OSBPL10: variants seen among roughly 807,000 people sequenced by gnomAD.
The protein encoded by OSBPL10 is oxysterol binding protein like 10, also known as oxysterol-binding protein-related protein 10.
OSBPL10 carries 49 observed loss-of-function variants against 81.7 expected under a neutral mutation model. That is an observed-to-expected ratio of 0.60 (90% CI 0.48 to 0.76). The LOEUF is 0.76. Among genes scored for constraint, OSBPL10 ranks in the 30% least tolerant of loss-of-function variants. The probability of loss-of-function intolerance (pLI) is 0.00; values close to 1 mark genes in which losing one functional copy is unlikely to be tolerated. For synonymous variants in OSBPL10, 419 were observed against 383.6 expected, an observed-to-expected ratio of 1.09 and a Z score of -1.08; for missense variants, 923 against 987.8, an observed-to-expected ratio of 0.93 and a Z score of 0.88.
chr3:31,825,147 T>C lies in OSBPL10; in HGVS notation c.729+4893A>G, dbSNP rs77122354. ...AATCAAAAAGGTTTGGGGATTTTTT[T>C]GTTTGCTTTAAGAGCAGAAAGGTGA... is the stretch of plus-strand genomic sequence containing the variant. On this transcript the variant is annotated intron_variant, in intron 4 of 11. Coordinates refer to ENST00000396556, the MANE Select transcript of OSBPL10 (RefSeq NM_017784.5). Among the ~76,000 whole-genome samples the C allele has an allele frequency of 8.2e-3, 1,241 of 152,218 alleles. 26 individuals are homozygous for C. Among genetic ancestry groups the C allele is most frequent in the African/African-American group, 0.027 (1,130 of 41,526 alleles).
intron 4 of OSBPL10, among the ~76,000 whole-genome samples, chr3:31,821,473 C>T (rs1429870565): frequency 6.6e-6 from 1 of 152,164 alleles, no homozygotes; most frequent in East Asian, 1.9e-4. Context: ...TCTCATAAAA[C>T]ACCAACTTCA....
At position 31,769,445 on chromosome 3, in the gene OSBPL10, CAA is replaced by C. The variant is rs1213069221; in HGVS notation, c.730-21327_730-21326del. 6.5e-4 allele frequency among the ~76,000 whole-genome samples: 7 copies of C among 10,832 alleles called. No homozygotes were observed. In the East Asian group the frequency reaches 0.042, roughly 64 times the overall value. The allele number at this position is 10,832 out of a possible 152,430, so 7.1% of individuals were successfully genotyped here. ...GGGCAACAAGAGCAAAACTCCATCT[CAA>C]AAAAAAAAAAACAAAAAAAAAACAA... On this transcript the variant is annotated intron_variant, in intron 4 of 11. Transcript: ENST00000396556.
At chr3:31,892,197 TG>T (rs1695911527) in intron 1 of OSBPL10, among the ~76,000 whole-genome samples, 1 of 151,590 alleles carries the variant, frequency 6.6e-6, no homozygotes, top group South Asian at 2.1e-4. Context: ...AAGGAGCACG[TG>T]TATGGCCCTG....
Position 31,930,781 on chromosome 3 carries a change from G to A in OSBPL10, c.281+50118C>T, listed in dbSNP as rs191927555. Among the ~76,000 whole-genome samples, 9 of 152,070 alleles carry A rather than the reference G, an allele frequency of 5.9e-5. No homozygotes were observed. The South Asian group carries it at 1.0e-3, about 18-fold the overall frequency. ...TATAATCCCAGCACTTTGGGAGGCCGAGGCGGGTAGATCACGAGGTCAGGA... is the reference window on the plus strand; with the variant it reads ...TATAATCCCAGCACTTTGGGAGGCCAAGGCGGGTAGATCACGAGGTCAGGA... On this transcript the variant is annotated intron_variant, in intron 1 of 11. Transcript: ENST00000396556.
chr3:31,813,102 A>T (rs547201970), intron 4 of OSBPL10, among the ~76,000 whole-genome samples: 34 of 152,332 alleles, frequency 2.2e-4, no homozygotes, highest in Admixed American at 3.3e-4. Flanking sequence ...TTCTTTGCAG[A>T]CCTATTTTAA....
intron 4 of OSBPL10, among the ~76,000 whole-genome samples, chr3:31,804,883 G>A (rs1337580841): frequency 6.6e-6 from 1 of 152,066 alleles, no homozygotes; most frequent in Non-Finnish European, 1.5e-5. Flanking sequence ...CTGTTTAAAT[G>A]GTCAAGGTCC....
intron 4 of OSBPL10, among the ~76,000 whole-genome samples, chr3:31,818,963 G>A (rs183498391): frequency 2.6e-4 from 39 of 152,340 alleles, no homozygotes; most frequent in Non-Finnish European, 4.3e-4. Flanking sequence ...AGACACTGCC[G>A]TGTTACTGGC....
chr3:32,047,422 C>T (rs972527739), intron 1 of OSBPL10, among the ~76,000 whole-genome samples: 11 of 152,054 alleles, frequency 7.2e-5, no homozygotes, highest in African/African-American at 2.7e-4. Flanking sequence ...CGAGTTTTCC[C>T]GGAAAGGGGC....
chr3:31,912,802 T>C (rs545494817), intron 1 of OSBPL10, among the ~76,000 whole-genome samples: 191 of 152,242 alleles, frequency 1.3e-3, no homozygotes, highest in African/African-American at 4.4e-3. Context: ...GCAGGCATGA[T>C]GGATGGAGCT....
chr3:31,888,897 C>G (rs1695813493), intron 1 of OSBPL10, among the ~76,000 whole-genome samples: 1 of 152,026 alleles, frequency 6.6e-6, no homozygotes. Flanking sequence ...GCACTCCAGC[C>G]TGGGTGACAG....
chr3:32,071,414 A>G (rs1368063683), intron 1 of OSBPL10, among the ~76,000 whole-genome samples: 1 of 152,160 alleles, frequency 6.6e-6, no homozygotes, highest in African/African-American at 2.4e-5. Context: ...ATTCCTTGAA[A>G]ACAGCTTTAC....
intron 3 of OSBPL10, among the ~76,000 whole-genome samples, chr3:31,840,409 C>A (rs370913645): frequency 6.6e-6 from 1 of 152,208 alleles, no homozygotes; most frequent in East Asian, 1.9e-4. Flanking sequence ...CAAAAGGGCA[C>A]GCCTACTTGT....
At chr3:31,770,854 G>A (rs1034072855) in intron 4 of OSBPL10, among the ~76,000 whole-genome samples, 13 of 152,106 alleles carry the variant, frequency 8.5e-5, no homozygotes, top group Admixed American at 3.3e-4. Context: ...AATAAAATAC[G>A]AGAAAATACA....
At chr3:31,984,756 A>C (rs1349452121), upstream of OSBPL10, among the ~76,000 whole-genome samples, 1 of 152,184 alleles carries the variant, frequency 6.6e-6, no homozygotes, top group East Asian at 1.9e-4. Flanking sequence ...AGGAGGGAAT[A>C]GTTTTGGAAA....
At chr3:31,696,321 T>C (rs1695719038) in intron 7 of OSBPL10, among the ~76,000 whole-genome samples, 1 of 152,230 alleles carries the variant, frequency 6.6e-6, no homozygotes, top group South Asian at 2.1e-4. Flanking sequence ...TTCAAGCATC[T>C]TAAGAAACCA....
At chr3:31,703,327 C>T (rs1279042771) in intron 6 of OSBPL10, among the ~76,000 whole-genome samples, 1 of 152,218 alleles carries the variant, frequency 6.6e-6, no homozygotes, top group Non-Finnish European at 1.5e-5. Flanking sequence ...CCACACTCCA[C>T]ATTTACCTAT....
At chr3:31,954,734 AT>A (rs1401553280) in intron 1 of OSBPL10, among the ~76,000 whole-genome samples, 1 of 152,172 alleles carries the variant, frequency 6.6e-6, no homozygotes, top group Non-Finnish European at 1.5e-5. Context: ...TACACTTAGG[AT>A]TTGTGCATTT....
chr3:31,989,098 G>A (rs757645434), intron 2 of OSBPL10: 39 of 1,613,958 alleles, frequency 2.4e-5, no homozygotes, highest in African/African-American at 4.0e-5. Flanking sequence ...TGAGGAAGCA[G>A]CTCAGAAGAG....
At chr3:31,900,312 C>T (rs930953837) in intron 1 of OSBPL10, among the ~76,000 whole-genome samples, 1 of 152,076 alleles carries the variant, frequency 6.6e-6, no homozygotes, top group Non-Finnish European at 1.5e-5. Context: ...CAAAGTGCTG[C>T]CACCGCACCC....
Sources: allele counts gnomAD v4.1 joint callset (sites outside exome capture counted in the v4.1 genomes callset), GRCh38; gene constraint gnomAD v4.1.1; transcripts MANE v1.5; gene names NCBI Gene and HGNC (gene_info 2026-07-23, HGNC 2026-07-21).